DNAJC12: variants seen among roughly 807,000 people sequenced by gnomAD.
DNAJC12 encodes DnaJ heat shock protein family (Hsp40) member C12, also known as dnaJ homolog subfamily C member 12.
Under a neutral mutation model 28.5 loss-of-function variants are expected in DNAJC12, and 25 were observed. The ratio of observed to expected loss-of-function variants is 0.88; its 90% CI spans 0.64 to 1.22. The LOEUF (loss-of-function observed/expected upper bound fraction) is 1.22. Ranked by LOEUF, DNAJC12 falls within the 50% of genes most tolerant of loss-of-function variation. The pLI is 0.00. For missense variants in DNAJC12, 222 were observed against 231.7 expected (o/e 0.96, Z 0.27); for synonymous variants, 77 against 80.6 (o/e 0.95, Z 0.24).
At chr10:67,823,099 C>G (rs1446820111) in intron 2 of DNAJC12, among the ~76,000 whole-genome samples, 1 of 151,900 alleles carries the variant, frequency 6.6e-6, no homozygotes, top group Non-Finnish European at 1.5e-5. Context: ...CACAAAGCAA[C>G]ACAGTACAGC....
chr10:67,814,412 A>G (rs1016032679), intron 2 of DNAJC12, among the ~76,000 whole-genome samples: 4 of 151,762 alleles, frequency 2.6e-5, no homozygotes, highest in African/African-American at 9.7e-5. Context: ...AAAACTGGGA[A>G]AAAAAAAACA....
chr10:67,835,129 T>G (rs1344865460), intron 1 of DNAJC12, among the ~76,000 whole-genome samples: 1 of 152,188 alleles, frequency 6.6e-6, no homozygotes, highest in Admixed American at 6.5e-5. Flanking sequence ...TAGCACAAAC[T>G]TTAAATTGTA....
chr10:67,810,747 C>T (rs138499224), intron 3 of DNAJC12: 4 of 152,242 alleles, frequency 2.6e-5, no homozygotes, highest in Admixed American at 2.6e-4. Flanking sequence ...CTAAATGTAA[C>T]CCTGAAGGGC....
At chr10:67,820,148 G>A (rs1230013345) in intron 2 of DNAJC12, among the ~76,000 whole-genome samples, 1 of 152,120 alleles carries the variant, frequency 6.6e-6, no homozygotes, top group African/African-American at 2.4e-5. Context: ...AAGCATAGAG[G>A]GCTGGAGTGT....
rs572992258 is a variant in DNAJC12, at chr10:67,824,182, G to A, written c.79-790C>T. Among the ~76,000 whole-genome samples, 4 of 149,464 alleles carry A rather than the reference G, an allele frequency of 2.7e-5. No individual in the cohort carries two copies. The East Asian group carries it at 7.8e-4, about 29-fold the overall frequency. On this transcript the variant is annotated intron_variant, in intron 1 of 4. Coordinates refer to ENST00000225171, the MANE Select transcript of DNAJC12 (RefSeq NM_021800.3). ...ACCTGGGAGGCAGAGGTTGCAGTGA[G>A]CCAAGATCACACCACTGCACTCCAG...
At chr10:67,800,382 G>A (rs990926884) in intron 4 of DNAJC12, among the ~76,000 whole-genome samples, 6 of 152,128 alleles carry the variant, frequency 3.9e-5, no homozygotes, top group African/African-American at 1.4e-4. Context: ...GGGGAACCCT[G>A]GGAGATAATA....
intron 4 of DNAJC12, among the ~76,000 whole-genome samples, chr10:67,802,002 C>G (rs1183949108): frequency 6.6e-6 from 1 of 151,700 alleles, no homozygotes; most frequent in Non-Finnish European, 1.5e-5. Context: ...GCTGGAACTA[C>G]AGGCGCACGC....
At chr10:67,829,589 C>A (rs1227125888) in intron 1 of DNAJC12, among the ~76,000 whole-genome samples, 1 of 151,778 alleles carries the variant, frequency 6.6e-6, no homozygotes, top group Non-Finnish European at 1.5e-5. Context: ...TGCAGTGAGC[C>A]GAGATTGCGC....
chr10:67,812,728 C>T (rs1360858131), intron 2 of DNAJC12, among the ~76,000 whole-genome samples: 2 of 151,720 alleles, frequency 1.3e-5, no homozygotes, highest in African/African-American at 4.8e-5. Context: ...GTGGCAGGCG[C>T]CTGTATTCCC....
At chr10:67,829,449 G>T (rs576356254) in intron 1 of DNAJC12, among the ~76,000 whole-genome samples, 1 of 152,170 alleles carries the variant, frequency 6.6e-6, no homozygotes, top group Non-Finnish European at 1.5e-5. Flanking sequence ...GACCATCCTG[G>T]CTAAAACAGT....
At chr10:67,820,777 CTTTTTTT>C (rs71006170) in intron 2 of DNAJC12, among the ~76,000 whole-genome samples, 9 of 68,520 alleles carry the variant, frequency 1.3e-4, no homozygotes, top group South Asian at 5.8e-4. Context: ...TTCTTTTTTC[CTTTTTTT>C]TTTTTTTTTT....
intron 2 of DNAJC12, among the ~76,000 whole-genome samples, chr10:67,813,457 A>G (rs867591736): frequency 5.9e-5 from 9 of 152,180 alleles, no homozygotes; most frequent in African/African-American, 2.2e-4. Context: ...TCCATTTATA[A>G]GAGCATCAAG....
chr10:67,802,743 G>A (rs909816911), intron 4 of DNAJC12, among the ~76,000 whole-genome samples: 1 of 152,112 alleles, frequency 6.6e-6, no homozygotes, highest in African/African-American at 2.4e-5. Context: ...AGGATTTAAA[G>A]AGAAGTCTCT....
At chr10:67,821,349 T>C (rs1287244956) in intron 2 of DNAJC12, among the ~76,000 whole-genome samples, 3 of 151,996 alleles carry the variant, frequency 2.0e-5, no homozygotes, top group Non-Finnish European at 4.4e-5. Flanking sequence ...AAACCCTGTC[T>C]CTACTAAAAA....
intron 4 of DNAJC12, among the ~76,000 whole-genome samples, chr10:67,801,814 T>G (rs1841747624): frequency 7.3e-6 from 1 of 136,330 alleles, no homozygotes. Flanking sequence ...AGAACAATGA[T>G]TCCCATCCCC....
chr10:67,829,635 C>T (rs762997107), intron 1 of DNAJC12, among the ~76,000 whole-genome samples: 1 of 151,804 alleles, frequency 6.6e-6, no homozygotes, highest in Admixed American at 6.6e-5. Flanking sequence ...AGTGAGACTC[C>T]GTCTCAAAAA....
chr10:67,830,024 A>G (rs1360480447), intron 1 of DNAJC12, among the ~76,000 whole-genome samples: 1 of 152,078 alleles, frequency 6.6e-6, no homozygotes, highest in Non-Finnish European at 1.5e-5. Context: ...ATCATTTTAA[A>G]TTTATTGACC....
At chr10:67,836,902 A>T (rs1842147114) in intron 1 of DNAJC12, among the ~76,000 whole-genome samples, 1 of 150,822 alleles carries the variant, frequency 6.6e-6, no homozygotes, top group South Asian at 2.1e-4. Context: ...AAAATAAATA[A>T]AATAAAATAC....
rs533546173 is a variant in DNAJC12 at position 67,826,714 on chromosome 10, T to G, written c.79-3322A>C. On this transcript the variant is annotated intron_variant, in intron 1 of 4. Transcript: ENST00000225171. ...ATGATATATATTATATATATCACTA[T>G]ATATAAGATATCTAATGATATATAT... 2.3e-4 allele frequency among the ~76,000 whole-genome samples: 28 copies of G among 124,296 alleles called. No individual in the cohort carries two copies. The East Asian group carries it at 5.7e-3, about 25-fold the overall frequency. 81.5% of individuals were successfully genotyped at this position (124,296 alleles called of 152,430 possible). A position where few individuals can be genotyped will look rare whatever the true frequency, so the allele number is the denominator to read the frequency against.
Sources: gnomAD v4.1 joint callset for allele counts (sites outside exome capture counted in the v4.1 genomes callset) on GRCh38, gnomAD v4.1.1 for gene constraint, MANE v1.5 for transcripts, NCBI Gene and HGNC (gene_info 2026-07-23, HGNC 2026-07-21) for gene names.